Variants in RSRC1 observed in about 807,000 individuals in gnomAD.
The protein encoded by RSRC1 is serine/Arginine-related protein 53.
A neutral mutation model predicts 49.1 loss-of-function variants in RSRC1; 39 were observed. That is an observed-to-expected ratio of 0.79 (90% confidence interval 0.61 to 1.04). The LOEUF (loss-of-function observed/expected upper bound fraction) is 1.04. Among genes scored for constraint, RSRC1 ranks in the 50% least tolerant of loss-of-function variants. The pLI, the probability that RSRC1 is intolerant of heterozygous loss-of-function variation, is 0.00. For synonymous variants in RSRC1, 143 were observed against 130.8 expected, an observed-to-expected ratio of 1.09 and a Z score of -0.63; for missense variants, 388 against 402.4, an observed-to-expected ratio of 0.96 and a Z score of 0.31.
intron 4 of RSRC1, among the ~76,000 whole-genome samples, chr3:158,206,315 C>T (rs1008131823): frequency 6.6e-6 from 1 of 152,156 alleles, no homozygotes; most frequent in East Asian, 1.9e-4. Flanking sequence ...GGGAAGGGCT[C>T]TCAGATGAAG....
chr3:158,162,791 C>G (rs1239623659), intron 3 of RSRC1, among the ~76,000 whole-genome samples: 1 of 152,058 alleles, frequency 6.6e-6, no homozygotes, highest in African/African-American at 2.4e-5. Context: ...TGTTCATTGA[C>G]TTTGTTTCTT....
At chr3:158,175,708 C>G (rs1332288036) in intron 3 of RSRC1, among the ~76,000 whole-genome samples, 5 of 152,046 alleles carry the variant, frequency 3.3e-5, no homozygotes, top group Non-Finnish European at 7.4e-5. Context: ...AAGGGAAATT[C>G]TTCTATCCAG....
chr3:158,174,299 A>G (rs1027442315), intron 3 of RSRC1, among the ~76,000 whole-genome samples: 24 of 151,936 alleles, frequency 1.6e-4, no homozygotes, highest in African/African-American at 5.3e-4. Flanking sequence ...AAAGTTTTCT[A>G]GAGAGACAAA....
At chr3:158,397,028 G>T (rs1353654519) in intron 6 of RSRC1, among the ~76,000 whole-genome samples, 6 of 152,034 alleles carry the variant, frequency 3.9e-5, no homozygotes, top group Non-Finnish European at 8.8e-5. Context: ...ACCCACAACA[G>T]TGTACCACCT....
intron 3 of RSRC1, among the ~76,000 whole-genome samples, chr3:158,185,465 A>G (rs1719874205): frequency 1.3e-5 from 2 of 151,922 alleles, no homozygotes; most frequent in Admixed American, 1.3e-4. Context: ...AAAAAGTCCT[A>G]TTGTTTTTTA....
intron 7 of RSRC1, among the ~76,000 whole-genome samples, chr3:158,482,292 T>G (rs2108437293): frequency 6.6e-6 from 1 of 152,184 alleles, no homozygotes; most frequent in African/African-American, 2.4e-5. Flanking sequence ...AATTGAAAAT[T>G]ATAAAATCAA....
rs1257679296 is a variant in RSRC1, at chr3:158,405,043, G to A, written c.583+50135G>A. On this transcript the variant is annotated intron_variant, in intron 6 of 9. Coordinates refer to ENST00000611884, the MANE Select transcript of RSRC1 (RefSeq NM_001271838.2). Reference sequence around the variant, plus strand: ...AATGTAAATGTTTTCTGCATAAAATGTCTGAACTTAAAGCTTATTCTGGTA... The same window carrying A: ...AATGTAAATGTTTTCTGCATAAAATATCTGAACTTAAAGCTTATTCTGGTA... 3.9e-5 allele frequency among the ~76,000 whole-genome samples: 6 copies of A among 152,106 alleles called. No homozygotes were observed. In the South Asian group the frequency reaches 6.2e-4, roughly 16 times the overall value.
intron 7 of RSRC1, among the ~76,000 whole-genome samples, chr3:158,471,048 A>G (rs1188917478): frequency 6.6e-6 from 1 of 152,230 alleles, no homozygotes; most frequent in Non-Finnish European, 1.5e-5. Flanking sequence ...CTTTAAAAGT[A>G]TGAGGCCATA....
At chr3:158,494,603 T>C (rs1739228638) in intron 7 of RSRC1, among the ~76,000 whole-genome samples, 1 of 152,236 alleles carries the variant, frequency 6.6e-6, no homozygotes, top group Admixed American at 6.5e-5. Context: ...TTAGCTCTTC[T>C]GCAATAACAC....
intron 4 of RSRC1, among the ~76,000 whole-genome samples, chr3:158,232,869 TG>T (rs1723044390): frequency 1.3e-5 from 2 of 152,154 alleles, no homozygotes; most frequent in African/African-American, 4.8e-5. Context: ...TATACTTATA[TG>T]ACATGTTTTT....
intron 5 of RSRC1, among the ~76,000 whole-genome samples, chr3:158,351,815 A>C (rs1207660259): frequency 6.6e-6 from 1 of 150,386 alleles, no homozygotes; most frequent in Non-Finnish European, 1.5e-5. Context: ...TGTATTATAA[A>C]TTGTTGGAGT....
intron 8 of RSRC1, among the ~76,000 whole-genome samples, chr3:158,542,100 A>C (rs1189694419): frequency 2.0e-5 from 3 of 152,184 alleles, no homozygotes. Context: ...TAATATTTTA[A>C]GTAGCTCCGA....
chr3:158,509,758 G>T (rs984975735), intron 7 of RSRC1, among the ~76,000 whole-genome samples: 3 of 152,072 alleles, frequency 2.0e-5, no homozygotes, highest in African/African-American at 7.2e-5. Context: ...TGATAGTACT[G>T]TCTATAGTTG....
intron 4 of RSRC1, among the ~76,000 whole-genome samples, chr3:158,234,306 A>T (rs1723121361): frequency 6.6e-6 from 1 of 152,136 alleles, no homozygotes; most frequent in African/African-American, 2.4e-5. Flanking sequence ...TAATCGGGAG[A>T]TTTAAAGGTT....
rs141103315 is a variant in RSRC1, at chr3:158,499,965, A to T, written c.653-37127A>T. Among the ~76,000 whole-genome samples, 190 of 152,258 alleles carry T rather than the reference A, an allele frequency of 1.2e-3. 3 individuals carry two copies. In the East Asian group the frequency reaches 0.034, roughly 27 times the overall value. On this transcript the variant is annotated intron_variant, in intron 7 of 9. Coordinates refer to ENST00000611884, the MANE Select transcript of RSRC1 (RefSeq NM_001271838.2). ...TCCAGCTCTCAGAGGGAATGCTTTC[A>T]ACTCTTCCCCATTCAGTATTATGTT...
At chr3:158,333,296 A>T (rs2108199446) in intron 5 of RSRC1, among the ~76,000 whole-genome samples, 1 of 152,338 alleles carries the variant, frequency 6.6e-6, no homozygotes, top group South Asian at 2.1e-4. Context: ...CAAAGCCCTC[A>T]GTCAATTCTA....
intron 6 of RSRC1, among the ~76,000 whole-genome samples, chr3:158,409,963 G>T (rs577022815): frequency 3.6e-4 from 55 of 151,514 alleles, no homozygotes; most frequent in African/African-American, 1.3e-3. Flanking sequence ...CTGTTCAATT[G>T]TCATTTGATA....
At chr3:158,284,405 C>G (rs1468803316) in intron 4 of RSRC1, among the ~76,000 whole-genome samples, 2 of 146,498 alleles carry the variant, frequency 1.4e-5, no homozygotes, top group Non-Finnish European at 3.0e-5. Context: ...TGGGTATATA[C>G]CCAGTAATGG....
intron 6 of RSRC1, among the ~76,000 whole-genome samples, chr3:158,387,418 G>A (rs923465238): frequency 6.6e-6 from 1 of 152,098 alleles, no homozygotes; most frequent in Non-Finnish European, 1.5e-5. Flanking sequence ...GACAGAAACA[G>A]CCTATCAGTC....
Sources: allele counts gnomAD v4.1 joint callset (sites outside exome capture counted in the v4.1 genomes callset), GRCh38; gene constraint gnomAD v4.1.1; transcripts MANE v1.5; gene names NCBI Gene and HGNC (gene_info 2026-07-23, HGNC 2026-07-21).